The following LHPP variants were observed in gnomAD, a reference collection of about 807,000 sequenced individuals.
The protein encoded by LHPP is phospholysine phosphohistidine inorganic pyrophosphate phosphatase.
LHPP carries 24 observed loss-of-function variants against 30.3 expected under a neutral mutation model. The ratio of observed to expected loss-of-function variants is 0.79; its 90% CI spans 0.57 to 1.11. The LOEUF (loss-of-function observed/expected upper bound fraction) is 1.11, where lower values mean the gene tolerates loss of function less well. Ranked by LOEUF, LHPP falls within the 50% of genes most tolerant of loss-of-function variation. LHPP has a pLI of 0.00. For synonymous variants in LHPP, 150 were observed against 157.1 expected (o/e 0.95, Z 0.34); for missense variants, 356 against 367.2 (o/e 0.97, Z 0.25).
In LHPP at chr10:124,484,221, A is replaced by G; in HGVS notation, c.208A>G (p.Arg70Gly). The change falls in exon 2 of 7, where the codon AGG becomes GGG. Residue 70 changes from arginine to glycine, a missense_variant. Coordinates refer to ENST00000368842, the MANE Select transcript of LHPP (RefSeq NM_022126.4). ...SRAELVGQLQ[R>G]LGFDISEQEV... ...GGCAGAGCTGGTGGGGCAGCTTCAGAGGCTGGGATTTGACATCTCTGAGCA... is the reference window on the plus strand; with the variant it reads ...GGCAGAGCTGGTGGGGCAGCTTCAGGGGCTGGGATTTGACATCTCTGAGCA... 1 of 1,614,076 alleles carries G rather than the reference A, an allele frequency of 6.2e-7. No individual in the cohort carries two copies. The highest frequency in any genetic ancestry group is 8.5e-7 in the Non-Finnish European group (1 of 1,180,016).
At chr10:124,463,853 ACT>A (rs1465231404) in intron 1 of LHPP, among the ~76,000 whole-genome samples, 3 of 114,274 alleles carry the variant, frequency 2.6e-5, no homozygotes, top group Non-Finnish European at 3.5e-5. Context: ...ACAAGGTCTT[ACT>A]TTGCCACCCA....
intron 6 of LHPP, among the ~76,000 whole-genome samples, chr10:124,579,916 A>G (rs574723540): frequency 6.6e-6 from 1 of 152,268 alleles, no homozygotes; most frequent in East Asian, 1.9e-4. Flanking sequence ...ATTATCCCAC[A>G]TCCTGGCCAG....
chr10:124,485,788 A>T (rs1024306050), intron 2 of LHPP, among the ~76,000 whole-genome samples: 1 of 152,010 alleles, frequency 6.6e-6, no homozygotes, highest in African/African-American at 2.4e-5. Context: ...TTTAGTAGAG[A>T]TGGGGTTTCA....
chr10:124,492,007 G>A lies in LHPP; in HGVS notation c.467+3432G>A, dbSNP rs1953547497. 3.3e-5 allele frequency among the ~76,000 whole-genome samples: 5 copies of A among 152,290 alleles called. 1 individual carries two copies. The South Asian group carries it at 1.0e-3, about 32-fold the overall frequency. On this transcript the variant is annotated intron_variant, in intron 3 of 6. Transcript: ENST00000368842. ...TTTTACACAAAATATCCAGATTTCT[G>A]GATTCTTTTGAAGAATCAGAAGATC...
chr10:124,587,065 C>T (rs1372715800), intron 6 of LHPP, among the ~76,000 whole-genome samples: 1 of 140,374 alleles, frequency 7.1e-6, no homozygotes, highest in African/African-American at 2.6e-5. Flanking sequence ...GTTTTGCTCT[C>T]GTCACCCAGG....
intron 5 of LHPP, chr10:124,498,441 A>T: frequency 6.7e-7 from 1 of 1,491,032 alleles, no homozygotes; most frequent in Non-Finnish European, 9.0e-7. Context: ...AATATATCTC[A>T]CTGGCAAGAC....
intron 6 of LHPP, among the ~76,000 whole-genome samples, chr10:124,586,500 G>A (rs1184300016): frequency 6.6e-6 from 1 of 152,228 alleles, no homozygotes; most frequent in Non-Finnish European, 1.5e-5. Context: ...TTGTGGGGAA[G>A]ACACAAACTC....
intron 5 of LHPP, among the ~76,000 whole-genome samples, chr10:124,507,648 T>G (rs1589810378): frequency 4.1e-5 from 1 of 24,626 alleles, no homozygotes; most frequent in Non-Finnish European, 6.2e-5. Flanking sequence ...GGATTTCAGG[T>G]GGGGGGATAG....
chr10:124,542,924 C>T (rs76496755), intron 6 of LHPP, among the ~76,000 whole-genome samples: 2,593 of 152,298 alleles, frequency 0.017, 67 homozygotes, highest in African/African-American at 0.059. Context: ...TCGTTCTCCC[C>T]GGTCCCTGCC....
chr10:124,519,038 C>T (rs541391475), intron 6 of LHPP, among the ~76,000 whole-genome samples: 1 of 152,328 alleles, frequency 6.6e-6, no homozygotes, highest in African/African-American at 2.4e-5. Flanking sequence ...ACCTCCGCCT[C>T]CCAGGCTCAA....
At chr10:124,597,822 G>C (rs1392613523) in intron 6 of LHPP, among the ~76,000 whole-genome samples, 1 of 152,314 alleles carries the variant, frequency 6.6e-6, no homozygotes, top group African/African-American at 2.4e-5. Flanking sequence ...TGGGAGGGAC[G>C]GAGTCAGCTC....
At chr10:124,495,486 C>T (rs886782547) in intron 3 of LHPP, among the ~76,000 whole-genome samples, 4 of 152,340 alleles carry the variant, frequency 2.6e-5, no homozygotes, top group East Asian at 1.9e-4. Context: ...CAGTGGAGGA[C>T]GCACAGGGGT....
At chr10:124,573,695 C>T (rs1010814141) in intron 6 of LHPP, among the ~76,000 whole-genome samples, 6 of 152,134 alleles carry the variant, frequency 3.9e-5, no homozygotes, top group African/African-American at 9.7e-5. Flanking sequence ...GTGGGATTGC[C>T]GTGCCTGATC....
At chr10:124,529,737 G>A (rs184441323) in intron 6 of LHPP, among the ~76,000 whole-genome samples, 22 of 152,226 alleles carry the variant, frequency 1.4e-4, no homozygotes, top group African/African-American at 4.8e-4. Context: ...GAGCCATGCA[G>A]AGATGGCCTC....
chr10:124,511,418 A>G (rs1589815455), intron 5 of LHPP, among the ~76,000 whole-genome samples: 1 of 152,250 alleles, frequency 6.6e-6, no homozygotes. Flanking sequence ...AGGAAAGATC[A>G]GAGAAAATCC....
rs1182698664 is a variant in LHPP, at chr10:124,593,421, G to A, written c.717-19843G>A. On this transcript the variant is annotated intron_variant, in intron 6 of 6. Coordinates refer to ENST00000368842, the MANE Select transcript of LHPP (RefSeq NM_022126.4). This position sits in a 1 kb window ranked among gnomAD's most constrained non-coding sequence, Gnocchi z 4.9. ...TTCCACACCTGAGATGGGAGAGGTT[G>A]CATCCTAAAGGCCCTCCATCTCTCA... Among the ~76,000 whole-genome samples, 1 of 152,204 alleles carries A rather than the reference G, an allele frequency of 6.6e-6. No homozygotes were observed. Among genetic ancestry groups the A allele is most frequent in the African/African-American group, 2.4e-5 (1 of 41,464 alleles).
intron 1 of LHPP, among the ~76,000 whole-genome samples, chr10:124,470,607 C>T (rs1952699715): frequency 6.6e-6 from 1 of 151,982 alleles, no homozygotes; most frequent in Non-Finnish European, 1.5e-5. Context: ...CTGGTACCAT[C>T]CAGCCCTAGG....
At chr10:124,492,934 TC>T (rs1202165713) in intron 3 of LHPP, among the ~76,000 whole-genome samples, 1 of 152,166 alleles carries the variant, frequency 6.6e-6, no homozygotes, top group Non-Finnish European at 1.5e-5. Flanking sequence ...ACGCCTATAA[TC>T]CCAGCACTTT....
intron 5 of LHPP, among the ~76,000 whole-genome samples, chr10:124,501,142 G>A (rs1168201869): frequency 3.3e-5 from 5 of 151,966 alleles, no homozygotes; most frequent in African/African-American, 1.2e-4. Context: ...AGTGAAGGAA[G>A]CCAAACACAA....
Sources: gnomAD v4.1 joint callset for allele counts (sites outside exome capture counted in the v4.1 genomes callset) on GRCh38, gnomAD v4.1.1 for gene constraint, Gnocchi (gnomAD v3.1) non-coding constraint, MANE v1.5 for transcripts, NCBI Gene and HGNC (gene_info 2026-07-23, HGNC 2026-07-21) for gene names.